The following OTUB1 variants were observed in gnomAD, a reference collection of about 807,000 sequenced individuals.
OTUB1 encodes ubiquitin thioesterase OTUB1.
Under a neutral mutation model 35.8 loss-of-function variants are expected in OTUB1, and 10 were observed. That is an observed-to-expected ratio of 0.28 (90% CI 0.17 to 0.47). OTUB1 has a LOEUF of 0.47. Among genes scored for constraint, OTUB1 ranks in the 20% least tolerant of loss-of-function variants. The probability of loss-of-function intolerance (pLI) is 0.99; values close to 1 mark genes in which losing one functional copy is unlikely to be tolerated. For missense variants in OTUB1, 264 were observed against 351.6 expected, an observed-to-expected ratio of 0.75 and a Z score of 1.99; for synonymous variants, 158 against 143.8, an observed-to-expected ratio of 1.10 and a Z score of -0.71.
chr11:63,997,948 A>G lies in OTUB1; in HGVS notation c.*402A>G. ...TCCTTAGGGACTTGCCCAGGGTCCCAGGGCCACCCACACTTCATCTGCTCC... is the reference window on the plus strand; with the variant it reads ...TCCTTAGGGACTTGCCCAGGGTCCCGGGGCCACCCACACTTCATCTGCTCC... On this transcript the variant is annotated 3_prime_UTR_variant, in exon 7 of 7. Transcript: ENST00000538426. 1 of 594,418 alleles carries G rather than the reference A, an allele frequency of 1.7e-6. No homozygotes were observed. The allele number at this position is 594,418 out of a possible 1,614,324, so 36.8% of individuals were successfully genotyped here. A position where few individuals can be genotyped will look rare whatever the true frequency, so the allele number is the denominator to read the frequency against.
chr11:63,997,649 C>G lies in OTUB1; in HGVS notation c.*103C>G, dbSNP rs3209355. 1 of 937,072 alleles carries G rather than the reference C, an allele frequency of 1.1e-6. No homozygotes were observed. The highest frequency in any genetic ancestry group is 1.9e-5 in the Admixed American group (1 of 53,722). 58.0% of individuals were successfully genotyped at this position (937,072 alleles called of 1,614,324 possible). A position where few individuals can be genotyped will look rare whatever the true frequency, so the allele number is the denominator to read the frequency against. On this transcript the variant is annotated 3_prime_UTR_variant, in exon 7 of 7. Transcript: ENST00000538426. ...GTAAATGGTCCTATTTCACCCCCTT[C>G]TTCCTGTCACATGACCCCCCCCCAT...
chr11:63,996,636 A>G lies in OTUB1; in HGVS notation c.326A>G (p.Lys109Arg). The change falls in exon 4 of 7, where the codon AAG becomes AGG. Residue 109 changes from lysine (K) to arginine (R), a missense_variant. Lys to Arg is a conservative substitution (Grantham distance 26). Transcript: ENST00000538426. ...SHLEALLDDS[K>R]ELQRFKAVSA... Reference sequence around the variant, plus strand: ...TTGGAGGCACTGCTGGATGACAGCAAGGAGTTGCAGCGGTGAGAAGGGTGG... The same window carrying G: ...TTGGAGGCACTGCTGGATGACAGCAGGGAGTTGCAGCGGTGAGAAGGGTGG... 1.9e-6 allele frequency: 3 copies of G among 1,614,214 alleles called. No individual in the cohort carries two copies. Among genetic ancestry groups the G allele is most frequent in the Non-Finnish European group, 2.5e-6 (3 of 1,180,026 alleles).
chr11:63,995,845 G>A (rs1006696690), intron 3 of OTUB1, among the ~76,000 whole-genome samples: 12 of 152,172 alleles, frequency 7.9e-5, no homozygotes, highest in African/African-American at 2.6e-4. Flanking sequence ...GGAGTGAAGT[G>A]TGCTTGCCAG....
intron 3 of OTUB1, 44 bp downstream of exon 3, chr11:63,988,796 G>A: frequency 7.7e-7 from 1 of 1,297,360 alleles, no homozygotes; most frequent in South Asian, 1.2e-5. Context: ...CTGGGGGTGG[G>A]GCAGGAGGGT....
In OTUB1 at chr11:63,996,940, C is replaced by T. The variant is rs1374050655; in HGVS notation, c.422C>T (p.Thr141Met). The change falls in exon 5 of 7, where the codon ACG becomes ATG. Residue 141 changes from threonine (T) to methionine (M), a missense_variant and splice_region_variant. Physicochemically the swap from Thr to Met is moderately conservative, Grantham distance 81 (BLOSUM62 -1). Coordinates refer to ENST00000538426, the MANE Select transcript of OTUB1 (RefSeq NM_017670.3). Reference sequence around the variant, plus strand: ...TTCACAATTGAGGATTTCCACAACACGGTGAGCCCTGGTGCCTGTCTTGGG... The same window carrying T: ...TTCACAATTGAGGATTTCCACAACATGGTGAGCCCTGGTGCCTGTCTTGGG... ...TEFTIEDFHN[T>M]FMDLIEQVEK... The T allele has an allele frequency of 2.3e-5, 37 of 1,613,924 alleles. No homozygotes were observed. The highest frequency in any genetic ancestry group is 2.9e-5 in the Non-Finnish European group (34 of 1,179,956).
intron 3 of OTUB1, among the ~76,000 whole-genome samples, chr11:63,993,215 G>T (rs1942688126): frequency 6.6e-6 from 1 of 152,212 alleles, no homozygotes; most frequent in African/African-American, 2.4e-5. Context: ...AGGTGGGGCA[G>T]CCTCGGGGAG....
chr11:63,990,605 T>TA (rs1565184943), intron 3 of OTUB1: 1 of 136,576 alleles, frequency 7.3e-6, no homozygotes, highest in African/African-American at 3.3e-5. Context: ...AAAAAATAAA[T>TA]AAATAAATAA....
rs372423071 is a variant in OTUB1, at chr11:63,997,332, C to G, written c.619-17C>G. 3.7e-6 allele frequency: 6 copies of G among 1,613,590 alleles called. No individual in the cohort carries two copies. Among genetic ancestry groups the G allele is most frequent in the Admixed American group, 3.3e-5 (2 of 59,956 alleles). ...CGGGGTGCGGAGACCAGGGCCTGAC[C>G]GGCACCTGTGCCACAGGAGGTGGAG... On this transcript the variant is annotated splice_polypyrimidine_tract_variant and intron_variant, in intron 6 of 6. Coordinates refer to ENST00000538426, the MANE Select transcript of OTUB1 (RefSeq NM_017670.3).
At position 63,988,405 on chromosome 11, in the gene OTUB1, G is replaced by T; in HGVS notation, c.120+7G>T. 6.4e-7 allele frequency: 1 copy of T among 1,552,930 alleles called. No individual in the cohort carries two copies. Reference sequence around the variant, plus strand: ...GGACCGAATTCAGCAAGAGGTGAGGGGCTGCAGTGGGCGAGGGAGGCAGTG... The same window carrying T: ...GGACCGAATTCAGCAAGAGGTGAGGTGCTGCAGTGGGCGAGGGAGGCAGTG... On this transcript the variant is annotated splice_region_variant and intron_variant, in intron 2 of 6. Transcript: ENST00000538426.
chr11:63,987,625 G>T (rs1468206865), intron 1 of OTUB1, among the ~76,000 whole-genome samples: 1 of 152,220 alleles, frequency 6.6e-6, no homozygotes, highest in African/African-American at 2.4e-5. Context: ...GGGTTTGACC[G>T]CAGGTCTTTT....
intron 3 of OTUB1, among the ~76,000 whole-genome samples, chr11:63,991,377 AT>A (rs1198740269): frequency 6.6e-6 from 1 of 152,170 alleles, no homozygotes; most frequent in Non-Finnish European, 1.5e-5. Flanking sequence ...CCTGCCGCTC[AT>A]GCTAGACCAC....
At chr11:63,993,775 T>G (rs1406288812) in intron 3 of OTUB1, among the ~76,000 whole-genome samples, 2 of 151,942 alleles carry the variant, frequency 1.3e-5, no homozygotes. Flanking sequence ...TTCAACTTGA[T>G]CCTCCCCCCT....
In OTUB1 at chr11:63,986,507, C is replaced by G. The variant is rs1318682328; in HGVS notation, c.51C>G (p.Asp17Glu). The G allele has an allele frequency of 2.6e-6, 4 of 1,551,174 alleles. No homozygotes were observed. The highest frequency in any genetic ancestry group is 3.5e-6 in the Non-Finnish European group (4 of 1,147,778). Reference protein sequence around the residue: ...QQQKQEPLGSDSEGVNCLAYD... With the variant: ...QQQKQEPLGSESEGVNCLAYD... The stretch of plus-strand genomic sequence containing the variant: ...AGAAGCAGGAGCCGCTGGGCAGCGA[C>G]TCCGAAGGTACAGATCCAAGGAGGG... The change falls in exon 1 of 7, where the codon GAC becomes GAG. Residue 17 changes from aspartate (D) to glutamate (E), a missense_variant. Coordinates refer to ENST00000538426, the MANE Select transcript of OTUB1 (RefSeq NM_017670.3).
At chr11:63,986,584 G>A (rs1304640413) in intron 1 of OTUB1, 70 bp downstream of exon 1, 3 of 1,409,230 alleles carry the variant, frequency 2.1e-6, no homozygotes, top group Non-Finnish European at 2.9e-6. Flanking sequence ...CTCCCGAGGA[G>A]GGAGGGGAGG....
intron 3 of OTUB1, among the ~76,000 whole-genome samples, chr11:63,992,015 C>T (rs981977886): frequency 1.3e-5 from 2 of 152,008 alleles, no homozygotes; most frequent in East Asian, 1.9e-4. Flanking sequence ...GTCAGGAGTT[C>T]GAGACCAGCA....
In OTUB1 at chr11:63,997,997, C is replaced by A; in HGVS notation, c.*451C>A. ...CCCTCATAGGCCCCACCTCCACGTC[C>A]CGGCTGGGCCCCAGACCCCAGCTTC... On this transcript the variant is annotated 3_prime_UTR_variant, in exon 7 of 7. Transcript: ENST00000538426. 1.8e-6 allele frequency: 1 copy of A among 549,362 alleles called. No homozygotes were observed. Among genetic ancestry groups the A allele is most frequent in the Non-Finnish European group, 3.2e-6 (1 of 307,984 alleles). 34.0% of individuals were successfully genotyped at this position (549,362 alleles called of 1,614,324 possible).
chr11:63,989,551 A>G (rs1942651476), intron 3 of OTUB1: 1 of 151,358 alleles, frequency 6.6e-6, no homozygotes, highest in Admixed American at 6.6e-5. Flanking sequence ...ACATGGCGAA[A>G]CCCCATCTGT....
At position 63,997,218 on chromosome 11, in the gene OTUB1, C is replaced by A; in HGVS notation, c.592C>A (p.Arg198=). 6.2e-7 allele frequency: 1 copy of A among 1,614,156 alleles called. No homozygotes were observed. Among genetic ancestry groups the A allele is most frequent in the East Asian group, 2.2e-5 (1 of 44,886 alleles). The change falls in exon 6 of 7, where the codon CGG becomes AGG. Residue 198 remains arginine, a synonymous_variant. Coordinates refer to ENST00000538426, the MANE Select transcript of OTUB1 (RefSeq NM_017670.3). ...CTTCGAGCACTTCATCGAGGGTGGA[C>A]GGACTGTCAAGGAGTTCTGCCAGCA... ...KFFEHFIEGG[R]TVKEFCQQEV...
At chr11:63,990,589 A>AAAAAAAAAAAAAT (rs1406618295) in intron 3 of OTUB1, 9 of 137,174 alleles carry the variant, frequency 6.6e-5, no homozygotes, top group East Asian at 5.9e-4. Flanking sequence ...GTCTCTTAAA[A>AAAAAAAAAAAAAT]AAATAAAAAA....
Sources: allele counts gnomAD v4.1 joint callset (sites outside exome capture counted in the v4.1 genomes callset), GRCh38; gene constraint gnomAD v4.1.1; transcripts MANE v1.5; gene names NCBI Gene and HGNC (gene_info 2026-07-23, HGNC 2026-07-21).